MRPS18C: variants seen among roughly 807,000 people sequenced by gnomAD.
MRPS18C encodes mitochondrial ribosomal protein S18C.
A neutral mutation model predicts 21.0 loss-of-function variants in MRPS18C; 21 were observed. That is an observed-to-expected ratio of 1.00 (90% confidence interval 0.71 to 1.44). The LOEUF is 1.44. MRPS18C is among the 40% of genes most tolerant of loss of function. MRPS18C has a pLI of 0.00. For missense variants in MRPS18C, 152 were observed against 171.5 expected (o/e 0.89, Z 0.64); for synonymous variants, 65 against 54.3 (o/e 1.20, Z -0.87).
intron 2 of MRPS18C, 169 bp from the exon 3 acceptor site, chr4:83,458,177 T>C (rs553521559): frequency 2.5e-5 from 13 of 519,424 alleles, no homozygotes; most frequent in Non-Finnish European, 4.0e-5. Context: ...AATCTTCCCA[T>C]GCGTTAATCC....
chr4:83,458,513 G>C, intron 3 of MRPS18C, 84 bp downstream of exon 3: 1 of 1,040,376 alleles, frequency 9.6e-7, no homozygotes, highest in Non-Finnish European at 1.4e-6. Context: ...GTTTATAGCA[G>C]GCTTTTGTAG....
chr4:83,456,766 AG>A, intron 1 of MRPS18C, 142 bp from the exon 2 acceptor site: 1 of 753,464 alleles, frequency 1.3e-6, no homozygotes, highest in Non-Finnish European at 2.1e-6. Context: ...CAAATATAAA[AG>A]TTTTTAACCA....
In MRPS18C at chr4:83,462,091, A is replaced by G. The variant is rs1722139003; in HGVS notation, c.*894A>G. ...TTATTTTTTAATAGACATGGTCTCA[A>G]TACGTTGCCCAGGCTGGTCTCTAAC... On this transcript the variant is annotated 3_prime_UTR_variant, in exon 6 of 6. Transcript: ENST00000295491. The G allele has an allele frequency of 4.2e-6, 1 of 239,328 alleles. No individual in the cohort carries two copies. The highest frequency in any genetic ancestry group is 8.1e-6 in the Non-Finnish European group (1 of 122,816). 14.8% of individuals were successfully genotyped at this position (239,328 alleles called of 1,614,324 possible).
In MRPS18C at chr4:83,461,109, A is replaced by G; in HGVS notation, c.353-12A>G. The G allele has an allele frequency of 6.2e-7, 1 of 1,613,654 alleles. No individual in the cohort carries two copies. On this transcript the variant is annotated splice_polypyrimidine_tract_variant and intron_variant, in intron 5 of 5. Coordinates refer to ENST00000295491, the MANE Select transcript of MRPS18C (RefSeq NM_016067.4). ...TTATGTTTTGTCAAGAACTTTAATT[A>G]TCTCTTTACAGGGTTTATGCCAGTT...
Position 83,461,577 on chromosome 4 carries a change from C to A in MRPS18C, c.*380C>A. 6.8e-6 allele frequency: 2 copies of A among 296,120 alleles called. No individual in the cohort carries two copies. The highest frequency in any genetic ancestry group is 7.0e-5 in the South Asian group (1 of 14,292). 18.3% of individuals were successfully genotyped at this position (296,120 alleles called of 1,614,324 possible). ...ACATTGGGATGGATAGTGGTGCTGT[C>A]ACAGAAGGACAAAATATTCCTAGAC... On this transcript the variant is annotated 3_prime_UTR_variant, in exon 6 of 6. Coordinates refer to ENST00000295491, the MANE Select transcript of MRPS18C (RefSeq NM_016067.4).
Position 83,459,796 on chromosome 4 carries a change from A to G in MRPS18C, c.291A>G (p.Thr97=). ...FTGCIYGRHI[T]GLCGKKQKEI... is the part of the protein sequence containing the mutation. ...GATGCATTTATGGAAGGCACATTACAGGTATGTTCTTTTTTATTATGGGAA... is the reference window on the plus strand; with the variant it reads ...GATGCATTTATGGAAGGCACATTACGGGTATGTTCTTTTTTATTATGGGAA... The change falls in exon 4 of 6, where the codon ACA becomes ACG. Residue 97 remains threonine (T), a splice_region_variant and synonymous_variant. Coordinates refer to ENST00000295491, the MANE Select transcript of MRPS18C (RefSeq NM_016067.4). 6.3e-7 allele frequency: 1 copy of G among 1,595,406 alleles called. No homozygotes were observed. The highest frequency in any genetic ancestry group is 8.6e-7 in the Non-Finnish European group (1 of 1,166,668).
intron 4 of MRPS18C, 142 bp downstream of exon 4, chr4:83,459,939 T>G: frequency 1.6e-6 from 1 of 623,400 alleles, no homozygotes. Flanking sequence ...AGCTAGTTAC[T>G]ATGAAAAAGT....
At position 83,462,089 on chromosome 4, in the gene MRPS18C, C is replaced by T. The variant is rs1722138904; in HGVS notation, c.*892C>T. The T allele has an allele frequency of 8.4e-6, 2 of 238,366 alleles. No individual in the cohort carries two copies. 14.8% of individuals were successfully genotyped at this position (238,366 alleles called of 1,614,324 possible). A position where few individuals can be genotyped will look rare whatever the true frequency, so the allele number is the denominator to read the frequency against. On this transcript the variant is annotated 3_prime_UTR_variant, in exon 6 of 6. Coordinates refer to ENST00000295491, the MANE Select transcript of MRPS18C (RefSeq NM_016067.4). ...TTTTATTTTTTAATAGACATGGTCT[C>T]AATACGTTGCCCAGGCTGGTCTCTA...
Position 83,458,405 on chromosome 4 carries a change from G to C in MRPS18C, c.210G>C (p.Lys70Asn). 6.2e-7 allele frequency: 1 copy of C among 1,600,458 alleles called. No individual in the cohort carries two copies. Among genetic ancestry groups the C allele is most frequent in the Non-Finnish European group, 8.6e-7 (1 of 1,169,396 alleles). The change falls in exon 3 of 6, where the codon AAG (lysine) becomes AAC (asparagine). Residue 70 changes from lysine to asparagine, a missense_variant. Coordinates refer to ENST00000295491, the MANE Select transcript of MRPS18C (RefSeq NM_016067.4). ...TTAAGAAATGTATCTTGTGTGGAAA[G>C]CATGTAGATTATAAGAATGTACAGG... ...EPLKKCILCG[K>N]HVDYKNVQLL...
intron 1 of MRPS18C, 145 bp from the exon 2 acceptor site, chr4:83,456,764 A>G (rs1325462816): frequency 8.1e-6 from 6 of 744,342 alleles, no homozygotes; most frequent in Admixed American, 6.1e-5. Flanking sequence ...CCCAAATATA[A>G]AAGTTTTTAA....
chr4:83,460,704 G>A (rs1052246937), intron 4 of MRPS18C: 1 of 363,446 alleles, frequency 2.8e-6, no homozygotes. Context: ...AGGAGTTCAG[G>A]ACCAGCCTGG....
chr4:83,458,163 C>G, intron 2 of MRPS18C, 183 bp from the exon 3 acceptor site: 1 of 490,912 alleles, frequency 2.0e-6, no homozygotes, highest in South Asian at 2.6e-5. Flanking sequence ...GTACTTTATT[C>G]CAGAATCTTC....
At position 83,461,434 on chromosome 4, in the gene MRPS18C, C is replaced by A; in HGVS notation, c.*237C>A. On this transcript the variant is annotated 3_prime_UTR_variant, in exon 6 of 6. Coordinates refer to ENST00000295491, the MANE Select transcript of MRPS18C (RefSeq NM_016067.4). ...TGTGATTGTCATTTATATCTGATCC[C>A]CAAATAGCTCATACAATAATCCATT... is the stretch of plus-strand genomic sequence containing the variant. 1 of 466,728 alleles carries A rather than the reference C, an allele frequency of 2.1e-6. No homozygotes were observed. Among genetic ancestry groups the A allele is most frequent in the South Asian group, 2.6e-5 (1 of 39,110 alleles). The allele number at this position is 466,728 out of a possible 1,614,324, so 28.9% of individuals were successfully genotyped here.
intron 4 of MRPS18C, 132 bp from the exon 5 acceptor site, chr4:83,460,841 G>A: frequency 1.4e-6 from 1 of 711,810 alleles, no homozygotes; most frequent in Non-Finnish European, 2.4e-6. Flanking sequence ...GGGTGGCGGA[G>A]GTTGCAGTGA....
Position 83,461,644 on chromosome 4 carries a change from T to C in MRPS18C, c.*447T>C, listed in dbSNP as rs1379886551. On this transcript the variant is annotated 3_prime_UTR_variant, in exon 6 of 6. Coordinates refer to ENST00000295491, the MANE Select transcript of MRPS18C (RefSeq NM_016067.4). ...CAGTAGTGTCTTTTACATGAAGAGA[T>C]GATTTACACCTAATAGACATTGAAT... is the stretch of plus-strand genomic sequence containing the variant. 2 of 273,426 alleles carry C rather than the reference T, an allele frequency of 7.3e-6. No individual in the cohort carries two copies. The highest frequency in any genetic ancestry group is 1.0e-4 in the East Asian group (2 of 19,240). The allele number at this position is 273,426 out of a possible 1,614,324, so 16.9% of individuals were successfully genotyped here.
chr4:83,457,989 T>G (rs1721928111), intron 2 of MRPS18C: 1 of 217,440 alleles, frequency 4.6e-6, no homozygotes, highest in East Asian at 1.7e-4. Context: ...GATGGATAAA[T>G]TAGGGATTGT....
chr4:83,456,342 C>G (rs1485888053), intron 1 of MRPS18C, among the ~76,000 whole-genome samples, 165 bp downstream of exon 1: 1 of 152,132 alleles, frequency 6.6e-6, no homozygotes, highest in Non-Finnish European at 1.5e-5. Context: ...TTAGTGTCGT[C>G]TAATCCACTC....
chr4:83,458,530 CTG>C, intron 3 of MRPS18C, 101 bp downstream of exon 3: 4 of 825,938 alleles, frequency 4.8e-6, no homozygotes, highest in Non-Finnish European at 7.5e-6. Context: ...GTAGAGGTAA[CTG>C]TTTTAGCAAC....
chr4:83,460,953 G>C lies in MRPS18C; in HGVS notation c.293-20G>C. The C allele has an allele frequency of 6.3e-7, 1 of 1,582,616 alleles. No homozygotes were observed. Among genetic ancestry groups the C allele is most frequent in the East Asian group, 2.2e-5 (1 of 44,726 alleles). ...AAATATTGACATTTTTTATGAATAA[G>C]AAAGCTTTTTATTTTACAGGTCTTT... On this transcript the variant is annotated intron_variant, in intron 4 of 5. Transcript: ENST00000295491.
Sources: allele counts gnomAD v4.1 joint callset (sites outside exome capture counted in the v4.1 genomes callset), GRCh38; gene constraint gnomAD v4.1.1; transcripts MANE v1.5; gene names NCBI Gene and HGNC (gene_info 2026-07-23, HGNC 2026-07-21).